The following ZNF583 variants were observed in gnomAD, a reference collection of about 807,000 sequenced individuals.
The protein encoded by ZNF583 is zinc finger protein L3-5.
ZNF583 carries 30 observed loss-of-function variants against 55.3 expected under a neutral mutation model. That is an observed-to-expected ratio of 0.54 (90% CI 0.41 to 0.74). The LOEUF is 0.74. Ranked by LOEUF, ZNF583 falls within the 30% of genes least tolerant of loss-of-function variation. The probability of loss-of-function intolerance (pLI) is 0.00; values close to 1 mark genes in which losing one functional copy is unlikely to be tolerated. For missense variants in ZNF583, 504 were observed against 664.7 expected, an observed-to-expected ratio of 0.76 and a Z score of 2.66; for synonymous variants, 208 against 220.0, an observed-to-expected ratio of 0.95 and a Z score of 0.48.
At chr19:56,412,376 G>A (rs1481018140) in intron 2 of ZNF583, among the ~76,000 whole-genome samples, 4 of 152,142 alleles carry the variant, frequency 2.6e-5, no homozygotes, top group Non-Finnish European at 5.9e-5. Context: ...AGCAAACTAG[G>A]TCTTGTTCCG....
Position 56,414,297 on chromosome 19 carries a change from A to G in ZNF583, c.137-48A>G, listed in dbSNP as rs905483431. 9.4e-6 allele frequency: 15 copies of G among 1,594,716 alleles called. No individual in the cohort carries two copies. The African/African-American group carries it at 2.0e-4, about 21-fold the overall frequency. Reference sequence around the variant, plus strand: ...ACCTTCTTGATGATGCAGAAACTTGATCTTATTTATAGACCTGCCTAATTC... The same window carrying G: ...ACCTTCTTGATGATGCAGAAACTTGGTCTTATTTATAGACCTGCCTAATTC... On this transcript the variant is annotated intron_variant, in intron 3 of 4. Transcript: ENST00000333201.
intron 4 of ZNF583, chr19:56,421,359 T>C (rs544266534): frequency 6.3e-4 from 336 of 534,476 alleles, no homozygotes; most frequent in Middle Eastern, 9.4e-4. Context: ...CATTGCTCCT[T>C]GGCAGTCATT....
At chr19:56,414,863 A>G (rs1448064626) in intron 4 of ZNF583, 2 of 84,636 alleles carry the variant, frequency 2.4e-5, no homozygotes, top group Non-Finnish European at 4.4e-5. Context: ...TAAAAATACA[A>G]AAAAAAAAAA....
At chr19:56,420,533 A>G (rs2042397777) in intron 4 of ZNF583, among the ~76,000 whole-genome samples, 1 of 152,170 alleles carries the variant, frequency 6.6e-6, no homozygotes, top group Non-Finnish European at 1.5e-5. Flanking sequence ...TATTATGACT[A>G]TAGGATTACC....
At chr19:56,408,480 C>CTA (rs1482843209) in intron 2 of ZNF583, among the ~76,000 whole-genome samples, 1 of 152,164 alleles carries the variant, frequency 6.6e-6, no homozygotes, top group East Asian at 1.9e-4. Flanking sequence ...TAGCTAGTAG[C>CTA]TAGTGTATTA....
At chr19:56,413,344 T>C (rs1336513719) in intron 2 of ZNF583, among the ~76,000 whole-genome samples, 4 of 152,254 alleles carry the variant, frequency 2.6e-5, no homozygotes, top group African/African-American at 9.6e-5. Context: ...AGCTTCTTGA[T>C]TGCTCTCTGT....
At chr19:56,405,388 C>T (rs1255519601) in intron 1 of ZNF583, among the ~76,000 whole-genome samples, 6 of 152,136 alleles carry the variant, frequency 3.9e-5, no homozygotes, top group African/African-American at 1.2e-4. Flanking sequence ...CCATAGGTTG[C>T]CAGGGGAGGT....
intron 4 of ZNF583, among the ~76,000 whole-genome samples, chr19:56,422,265 G>A (rs549462953): frequency 8.0e-4 from 122 of 152,288 alleles, no homozygotes; most frequent in African/African-American, 2.0e-3. Flanking sequence ...ACTAAGTTCT[G>A]TGCTAGGTTA....
rs1359406777 is a variant in ZNF583 at position 56,414,441 on chromosome 19, G to T, written c.232+1G>T. The T allele has an allele frequency of 6.2e-7, 1 of 1,612,754 alleles. No individual in the cohort carries two copies. The highest frequency in any genetic ancestry group is 8.5e-7 in the Non-Finnish European group (1 of 1,179,360). On this transcript the variant is annotated splice_donor_variant, in intron 4 of 4. Transcript: ENST00000333201. LOFTEE classifies it high-confidence loss of function. ...GAGGGAACAAGAGGCCCATGCCCTG[G>T]TGAGTGAGAGAGAAATAGGGAGACA... is the stretch of plus-strand genomic sequence containing the variant.
intron 3 of ZNF583, 112 bp downstream of exon 3, chr19:56,414,197 A>G: frequency 6.6e-7 from 1 of 1,523,076 alleles, no homozygotes; most frequent in South Asian, 1.2e-5. Context: ...TGCTTCCCAA[A>G]ATAGGTTGAA....
intron 2 of ZNF583, among the ~76,000 whole-genome samples, chr19:56,411,776 A>C (rs557232731): frequency 2.2e-4 from 34 of 152,354 alleles, no homozygotes; most frequent in Non-Finnish European, 4.0e-4. Flanking sequence ...GAAGCTTTTT[A>C]AGCAGCTGAT....
rs560951493 is a variant in ZNF583 at position 56,406,939 on chromosome 19, G to A, written c.-89-87G>A. On this transcript the variant is annotated intron_variant, in intron 1 of 4. Transcript: ENST00000333201. ...TTACTCCTGAGGTTGGGGAAAGAAG[G>A]AGAAAGAGAAGGAAAGGTTTCTAGG... The A allele has an allele frequency of 3.4e-5, 20 of 595,710 alleles. No individual in the cohort carries two copies. In the African/African-American group the frequency reaches 3.6e-4, roughly 11 times the overall value. The allele number at this position is 595,710 out of a possible 1,614,324, so 36.9% of individuals were successfully genotyped here. A position where few individuals can be genotyped will look rare whatever the true frequency, so the allele number is the denominator to read the frequency against.
rs901350368 is a variant in ZNF583, at chr19:56,425,604, C to T, written c.*1236C>T. The stretch of plus-strand genomic sequence containing the variant: ...TCGAAATTAAAAAGAAATCTTGAAA[C>T]AAGTCAGTAACCAATGATGAGTAGA... On this transcript the variant is annotated 3_prime_UTR_variant, in exon 5 of 5. Transcript: ENST00000333201. 6.6e-6 allele frequency: 1 copy of T among 152,134 alleles called. No homozygotes were observed. The highest frequency in any genetic ancestry group is 1.5e-5 in the Non-Finnish European group (1 of 68,014). The allele number at this position is 152,134 out of a possible 1,614,324, so 9.4% of individuals were successfully genotyped here.
At position 56,414,060 on chromosome 19, in the gene ZNF583, G is replaced by C. The variant is rs557558563; in HGVS notation, c.111G>C (p.Glu37Asp). ...ATTTGTACAGGAAAGTGATGTTGGA[G>C]AACTACAGGAGCTTGGTATCATTGG... ...QRNLYRKVMLENYRSLVSLGV... is the reference protein window; with the variant it reads ...QRNLYRKVMLDNYRSLVSLGV... Residue 37 changes from glutamate to aspartate, a missense_variant, in exon 3 of 5, where the codon GAG becomes GAC. Glu to Asp is a conservative substitution (Grantham distance 45). Coordinates refer to ENST00000333201, the MANE Select transcript of ZNF583 (RefSeq NM_152478.3). 9 of 1,604,538 alleles carry C rather than the reference G, an allele frequency of 5.6e-6. No individual in the cohort carries two copies. In the East Asian group the frequency reaches 2.0e-4, roughly 36 times the overall value.
intron 3 of ZNF583, 50 bp from the exon 4 acceptor site, chr19:56,414,293 CTT>C: frequency 3.1e-6 from 5 of 1,592,074 alleles, no homozygotes; most frequent in Non-Finnish European, 4.3e-6. Context: ...GATGCAGAAA[CTT>C]GATCTTATTT....
intron 2 of ZNF583, 119 bp downstream of exon 2, chr19:56,407,242 C>A: frequency 2.6e-6 from 3 of 1,138,656 alleles, no homozygotes; most frequent in African/African-American, 1.5e-5. Context: ...TCCAGTGACT[C>A]GTTCCTCATA....
rs2042479913 is a variant in ZNF583 at position 56,424,916 on chromosome 19, A to G, written c.*548A>G. 1 of 153,662 alleles carries G rather than the reference A, an allele frequency of 6.5e-6. No individual in the cohort carries two copies. Among genetic ancestry groups the G allele is most frequent in the Admixed American group, 6.5e-5 (1 of 15,394 alleles). 9.5% of individuals were successfully genotyped at this position (153,662 alleles called of 1,614,324 possible). On this transcript the variant is annotated 3_prime_UTR_variant, in exon 5 of 5. Coordinates refer to ENST00000333201, the MANE Select transcript of ZNF583 (RefSeq NM_152478.3). The stretch of plus-strand genomic sequence containing the variant: ...ATGTAAATTGCTCAGCAGCGTGCCT[A>G]GCATAAAGTAATTACTCAAACCATA...
chr19:56,426,289 A>AGTTACT lies in ZNF583; in HGVS notation c.*1922_*1927dup, dbSNP rs1294755169. On this transcript the variant is annotated 3_prime_UTR_variant, in exon 5 of 5. Coordinates refer to ENST00000333201, the MANE Select transcript of ZNF583 (RefSeq NM_152478.3). The stretch of plus-strand genomic sequence containing the variant: ...TACAACAATTCATTCCATATGTGAA[A>AGTTACT]GTTACTTTCAAGTGCTTTATCTAAA... 3 of 152,208 alleles carry AGTTACT rather than the reference A, an allele frequency of 2.0e-5. No homozygotes were observed. The highest frequency in any genetic ancestry group is 7.2e-5 in the African/African-American group (3 of 41,450). 9.4% of individuals were successfully genotyped at this position (152,208 alleles called of 1,614,324 possible). A position where few individuals can be genotyped will look rare whatever the true frequency, so the allele number is the denominator to read the frequency against.
chr19:56,408,221 A>T (rs540275947), intron 2 of ZNF583, among the ~76,000 whole-genome samples: 14 of 152,200 alleles, frequency 9.2e-5, no homozygotes, highest in Non-Finnish European at 2.1e-4. Context: ...AAATATATAT[A>T]TATACACACA....
Sources: gnomAD v4.1 joint callset for allele counts (sites outside exome capture counted in the v4.1 genomes callset) on GRCh38, gnomAD v4.1.1 for gene constraint, MANE v1.5 for transcripts, NCBI Gene and HGNC (gene_info 2026-07-23, HGNC 2026-07-21) for gene names.